The following PCDH15 variants were observed in gnomAD, a reference collection of about 807,000 sequenced individuals.
PCDH15 encodes protocadherin-15.
A neutral mutation model predicts 178.5 loss-of-function variants in PCDH15; 129 were observed. The ratio of observed to expected loss-of-function variants is 0.72; its 90% CI spans 0.63 to 0.84. The LOEUF is 0.84. Ranked by LOEUF, PCDH15 falls within the 40% of genes least tolerant of loss-of-function variation. PCDH15 has a pLI of 0.00. For missense variants in PCDH15, 2,230 were observed against 2,099.9 expected, an observed-to-expected ratio of 1.06 and a Z score of -1.21; for synonymous variants, 800 against 732.0, an observed-to-expected ratio of 1.09 and a Z score of -1.50.
intron 2 of PCDH15, among the ~76,000 whole-genome samples, chr10:55,569,823 G>A (rs1447403305): frequency 6.6e-6 from 1 of 151,844 alleles, no homozygotes; most frequent in Non-Finnish European, 1.5e-5. Flanking sequence ...TTCTATTTCT[G>A]TCTATGTCTA....
At chr10:54,235,327 T>C (rs534210519) in intron 9 of PCDH15, among the ~76,000 whole-genome samples, 35 of 152,318 alleles carry the variant, frequency 2.3e-4, no homozygotes, top group African/African-American at 8.2e-4. Flanking sequence ...AAGTCAGTGA[T>C]AGGGGTTGCT....
intron 2 of PCDH15, among the ~76,000 whole-genome samples, chr10:55,528,215 A>ATTAT (rs199845276): frequency 4.6e-5 from 7 of 151,166 alleles, no homozygotes; most frequent in South Asian, 2.1e-4. Flanking sequence ...TTTTTATTTT[A>ATTAT]TTATTTATTT....
intron 1 of PCDH15, among the ~76,000 whole-genome samples, chr10:55,255,273 G>A (rs1841963253): frequency 6.6e-6 from 1 of 152,122 alleles, no homozygotes; most frequent in Non-Finnish European, 1.5e-5. Context: ...CCCTACAAAG[G>A]ACATGAACTC....
At chr10:54,889,471 G>C (rs1373427753) in intron 3 of PCDH15, among the ~76,000 whole-genome samples, 3 of 141,344 alleles carry the variant, frequency 2.1e-5, no homozygotes, top group African/African-American at 7.6e-5. Flanking sequence ...GATGTAAATT[G>C]TTAAGTATTT....
intron 2 of PCDH15, among the ~76,000 whole-genome samples, chr10:55,516,912 T>C (rs1841027169): frequency 6.6e-6 from 1 of 152,130 alleles, no homozygotes; most frequent in Admixed American, 6.6e-5. Context: ...ATGGAGACTT[T>C]ATATAAACTG....
At chr10:55,127,647 T>G (rs1257605240) in intron 2 of PCDH15, among the ~76,000 whole-genome samples, 3 of 152,114 alleles carry the variant, frequency 2.0e-5, no homozygotes, top group African/African-American at 7.2e-5. Context: ...AGCTGCTGAA[T>G]TTACAGTGTA....
intron 8 of PCDH15, among the ~76,000 whole-genome samples, chr10:54,260,215 G>A (rs1404593111): frequency 3.3e-5 from 5 of 151,936 alleles, no homozygotes; most frequent in African/African-American, 1.2e-4. Context: ...GTTTTGTCAC[G>A]AGTTTTATTA....
intron 2 of PCDH15, among the ~76,000 whole-genome samples, chr10:55,451,491 C>G (rs1362565965): frequency 4.1e-5 from 4 of 97,914 alleles, no homozygotes; most frequent in Admixed American, 2.1e-4. Flanking sequence ...GAGTAAGACT[C>G]CGTCTCAAAA....
intron 2 of PCDH15, among the ~76,000 whole-genome samples, chr10:55,413,303 T>G (rs1838389664): frequency 6.6e-6 from 1 of 151,652 alleles, no homozygotes. Context: ...AAAAAAGGGA[T>G]AAAGATTCCT....
At chr10:54,681,957 G>T (rs993342568) in intron 1 of PCDH15, among the ~76,000 whole-genome samples, 2 of 152,168 alleles carry the variant, frequency 1.3e-5, no homozygotes, top group Admixed American at 1.3e-4. Flanking sequence ...GAAGGTCCAG[G>T]ATAGGTGGAA....
At chr10:54,356,219 C>A (rs1014769407) in intron 5 of PCDH15, among the ~76,000 whole-genome samples, 9 of 151,986 alleles carry the variant, frequency 5.9e-5, no homozygotes, top group African/African-American at 1.9e-4. Flanking sequence ...AAAACAGTAT[C>A]ATTTTTGAAA....
intron 2 of PCDH15, among the ~76,000 whole-genome samples, chr10:55,034,817 A>T (rs549702594): frequency 6.6e-6 from 1 of 152,308 alleles, no homozygotes; most frequent in African/African-American, 2.4e-5. Flanking sequence ...TATTGCAATT[A>T]TTGTATTTAT....
chr10:54,818,102 GTCTA>G (rs1396932136), intron 3 of PCDH15, among the ~76,000 whole-genome samples: 2 of 150,760 alleles, frequency 1.3e-5, no homozygotes, highest in Middle Eastern at 3.4e-3. Context: ...CCTCTCCTCT[GTCTA>G]TCTATCCATG....
rs117566705 is a variant in PCDH15, at chr10:53,811,804, T to C, written c.4492-185A>G. On this transcript the variant is annotated intron_variant, in intron 35 of 37. Coordinates refer to ENST00000644397, the MANE Select transcript of PCDH15 (RefSeq NM_001384140.1). ...TAAAAGTGTTAGTCAAATCTATTCA[T>C]TTTTTTCTGGCTGTAACCATTTGAT... Among the ~76,000 whole-genome samples the C allele has an allele frequency of 1.7e-4, 26 of 152,282 alleles. No individual in the cohort carries two copies. In the East Asian group the frequency reaches 4.4e-3, roughly 26 times the overall value.
At chr10:54,519,390 A>T (rs1401273841) in intron 3 of PCDH15, among the ~76,000 whole-genome samples, 1 of 151,898 alleles carries the variant, frequency 6.6e-6, no homozygotes, top group Non-Finnish European at 1.5e-5. Context: ...CAATGTACAA[A>T]AATCACAAGC....
At chr10:55,594,975 C>A (rs914597512) in intron 2 of PCDH15, among the ~76,000 whole-genome samples, 17 of 152,016 alleles carry the variant, frequency 1.1e-4, no homozygotes, top group African/African-American at 3.6e-4. Flanking sequence ...CTGTTGGGAA[C>A]TGGCTGCCTT....
intron 15 of PCDH15, among the ~76,000 whole-genome samples, chr10:54,090,641 C>T (rs1247014852): frequency 3.1e-5 from 2 of 63,630 alleles, no homozygotes; most frequent in Non-Finnish European, 6.0e-5. Flanking sequence ...AAGATCTTGT[C>T]TCAAAAAAAA....
chr10:55,181,724 A>G (rs1839654131), intron 1 of PCDH15, among the ~76,000 whole-genome samples: 1 of 151,996 alleles, frequency 6.6e-6, no homozygotes, highest in South Asian at 2.1e-4. Context: ...ATATTAAACT[A>G]AAAAGAGGCC....
intron 2 of PCDH15, among the ~76,000 whole-genome samples, chr10:54,619,706 C>T (rs927722740): frequency 2.0e-5 from 3 of 152,016 alleles, no homozygotes; most frequent in African/African-American, 4.8e-5. Context: ...TACTCCACTT[C>T]TAACAAAATT....
Sources: gnomAD v4.1 joint callset for allele counts (sites outside exome capture counted in the v4.1 genomes callset) on GRCh38, gnomAD v4.1.1 for gene constraint, MANE v1.5 for transcripts, NCBI Gene and HGNC (gene_info 2026-07-23, HGNC 2026-07-21) for gene names.